The following VTI1A variants were observed in gnomAD, a reference collection of about 807,000 sequenced individuals.
VTI1A encodes the protein vesicle transport through interaction with t-SNAREs 1A.
Under a neutral mutation model 34.9 loss-of-function variants are expected in VTI1A, and 22 were observed. The ratio of observed to expected loss-of-function variants is 0.63; its 90% CI spans 0.45 to 0.90. The LOEUF is 0.90. Among genes scored for constraint, VTI1A ranks in the 40% least tolerant of loss-of-function variants. The pLI is 0.00. For missense variants in VTI1A, 268 were observed against 275.6 expected (o/e 0.97, Z 0.20); for synonymous variants, 87 against 97.3 (o/e 0.89, Z 0.62).
At chr10:112,788,968 G>A (rs967582686) in intron 7 of VTI1A, among the ~76,000 whole-genome samples, 14 of 151,156 alleles carry the variant, frequency 9.3e-5, no homozygotes, top group Admixed American at 3.3e-4. Flanking sequence ...CCTTTGTTAC[G>A]TATAGATATG....
intron 7 of VTI1A, among the ~76,000 whole-genome samples, chr10:112,723,359 A>C (rs754116799): frequency 1.3e-4 from 20 of 152,188 alleles, no homozygotes; most frequent in Non-Finnish European, 2.5e-4. Flanking sequence ...TCAGCTCTAG[A>C]ACTTCCCGAT....
chr10:112,524,811 G>C (rs1230952800), intron 3 of VTI1A, among the ~76,000 whole-genome samples: 1 of 152,138 alleles, frequency 6.6e-6, no homozygotes, highest in African/African-American at 2.4e-5. Context: ...GTCCCCCATA[G>C]TGATGAGATG....
At chr10:112,559,775 ATG>A (rs1270705387) in intron 5 of VTI1A, among the ~76,000 whole-genome samples, 1 of 152,194 alleles carries the variant, frequency 6.6e-6, no homozygotes, top group Non-Finnish European at 1.5e-5. Context: ...GCCATTCTAG[ATG>A]TTGCTTGTAA....
At chr10:112,651,431 C>T (rs948283924) in intron 5 of VTI1A, among the ~76,000 whole-genome samples, 1 of 152,188 alleles carries the variant, frequency 6.6e-6, no homozygotes, top group African/African-American at 2.4e-5. Flanking sequence ...CTGCCTCAGC[C>T]TCCTGAATAG....
At chr10:112,692,556 A>G (rs1054910241) in intron 7 of VTI1A, among the ~76,000 whole-genome samples, 9 of 152,162 alleles carry the variant, frequency 5.9e-5, no homozygotes, top group Admixed American at 3.9e-4. Flanking sequence ...GAGTAGTACC[A>G]TCACTGTTTT....
chr10:112,717,494 G>A (rs1297994234), intron 7 of VTI1A, among the ~76,000 whole-genome samples: 1 of 152,172 alleles, frequency 6.6e-6, no homozygotes, highest in African/African-American at 2.4e-5. Context: ...GGGGGGACAG[G>A]AGCCTGGAGT....
intron 5 of VTI1A, among the ~76,000 whole-genome samples, chr10:112,569,121 C>T (rs1001144827): frequency 6.6e-6 from 1 of 151,478 alleles, no homozygotes; most frequent in African/African-American, 2.4e-5. Flanking sequence ...TGCCACTGCC[C>T]TGCAGCGTGG....
chr10:112,591,948 T>G (rs1277248475), intron 5 of VTI1A, among the ~76,000 whole-genome samples: 1 of 152,180 alleles, frequency 6.6e-6, no homozygotes, highest in Non-Finnish European at 1.5e-5. Flanking sequence ...CAGAAGAGAT[T>G]CAGCAGAAAG....
At chr10:112,799,652 G>C (rs1374331598) in intron 7 of VTI1A, among the ~76,000 whole-genome samples, 1 of 152,112 alleles carries the variant, frequency 6.6e-6, no homozygotes, top group Non-Finnish European at 1.5e-5. Context: ...AAACCTGGGG[G>C]CTCTGTTATC....
At chr10:112,526,946 A>G (rs1589863362) in intron 3 of VTI1A, 141 bp from the exon 4 acceptor site, 1 of 641,584 alleles carries the variant, frequency 1.6e-6, no homozygotes, top group East Asian at 2.8e-5. Context: ...ACTTTACACA[A>G]CTTTGGTGTG....
chr10:112,526,153 C>A (rs559453410), intron 3 of VTI1A, among the ~76,000 whole-genome samples: 1 of 152,304 alleles, frequency 6.6e-6, no homozygotes, highest in African/African-American at 2.4e-5. Context: ...GAAGTGGGAT[C>A]TGAGGCCCAC....
chr10:112,822,825 T>TATTC (rs1003057894), downstream of VTI1A, among the ~76,000 whole-genome samples: 2 of 152,204 alleles, frequency 1.3e-5, no homozygotes, highest in African/African-American at 4.8e-5. Context: ...TAAGCAGATT[T>TATTC]ATTCATTCAT....
At chr10:112,750,979 C>G (rs543497091) in intron 7 of VTI1A, among the ~76,000 whole-genome samples, 1 of 152,136 alleles carries the variant, frequency 6.6e-6, no homozygotes, top group African/African-American at 2.4e-5. Flanking sequence ...AGGAAGAGAA[C>G]GAAAGTTCCC....
intron 1 of VTI1A, among the ~76,000 whole-genome samples, chr10:112,455,508 T>A (rs1357350553): frequency 1.4e-5 from 1 of 72,074 alleles, no homozygotes; most frequent in Non-Finnish European, 2.7e-5. Context: ...CTCTCCTTCC[T>A]TTGTTCCTTT....
chr10:112,544,883 C>A (rs936284410), intron 5 of VTI1A, among the ~76,000 whole-genome samples: 2 of 152,078 alleles, frequency 1.3e-5, no homozygotes, highest in African/African-American at 4.8e-5. Context: ...ATGATTAGGG[C>A]AGTCAAGTGG....
chr10:112,781,865 A>G (rs1852138288), intron 7 of VTI1A, among the ~76,000 whole-genome samples: 2 of 151,998 alleles, frequency 1.3e-5, no homozygotes, highest in Admixed American at 1.3e-4. Flanking sequence ...AAAAGTAAAT[A>G]AATGAGACTT....
upstream of VTI1A, chr10:112,447,175 C>A: frequency 1.8e-6 from 1 of 552,636 alleles, no homozygotes; most frequent in Non-Finnish European, 3.2e-6. Context: ...GAAAATAAAG[C>A]ACGCACGCAA....
At chr10:112,669,737 T>G (rs1373195454) in intron 7 of VTI1A, among the ~76,000 whole-genome samples, 1 of 152,174 alleles carries the variant, frequency 6.6e-6, no homozygotes, top group African/African-American at 2.4e-5. Flanking sequence ...GCCTCTGGAA[T>G]GGCTTAACTG....
At chr10:112,720,957 TA>T (rs34722200) in intron 7 of VTI1A, among the ~76,000 whole-genome samples, 101 of 148,084 alleles carry the variant, frequency 6.8e-4, no homozygotes, top group African/African-American at 1.3e-3. Flanking sequence ...CTCACTGATT[TA>T]AAAAAAAAAA....
Sources: allele counts gnomAD v4.1 joint callset (sites outside exome capture counted in the v4.1 genomes callset), GRCh38; gene constraint gnomAD v4.1.1; transcripts MANE v1.5; gene names NCBI Gene and HGNC (gene_info 2026-07-23, HGNC 2026-07-21).